Variants in TSC2 observed in about 807,000 individuals in gnomAD.
TSC2 encodes tuberin.
TSC2 carries 29 observed loss-of-function variants against 202.2 expected under a neutral mutation model. That is an observed-to-expected ratio of 0.14 (90% confidence interval 0.11 to 0.20). TSC2 has a LOEUF of 0.20. Ranked by LOEUF, TSC2 falls within the 10% of genes least tolerant of loss-of-function variation. TSC2 has a pLI of 1.00. For missense variants in TSC2, 2,429 were observed against 2,420.0 expected (o/e 1.00, Z -0.08); for synonymous variants, 1,349 against 1,044.0 (o/e 1.29, Z -5.63).
chr16:2,052,134 G>A (rs2085203516), intron 3 of TSC2, among the ~76,000 whole-genome samples: 1 of 152,010 alleles, frequency 6.6e-6, no homozygotes, highest in African/African-American at 2.4e-5. Context: ...GGGGCAGCCT[G>A]TGAGTGGATA....
Position 2,055,343 on chromosome 16 carries a change from G to A in TSC2, c.482-59G>A, listed in dbSNP as rs200833855. 971 of 1,316,870 alleles carry A rather than the reference G, an allele frequency of 7.4e-4. No individual in the cohort carries two copies. The highest frequency in any genetic ancestry group is 1.8e-3 in the Admixed American group (109 of 59,626). The allele number at this position is 1,316,870 out of a possible 1,614,324, so 81.6% of individuals were successfully genotyped here. ...ACACACTGTCCTGCGGCGGGAGGGG[G>A]AGGTGAGTGGGAGATGTAGATTCGG... On this transcript the variant is annotated intron_variant, in intron 5 of 41. Transcript: ENST00000219476.
chr16:2,073,172 C>T (rs2088745290), intron 21 of TSC2, among the ~76,000 whole-genome samples, 189 bp downstream of exon 21: 1 of 152,236 alleles, frequency 6.6e-6, no homozygotes, highest in South Asian at 2.1e-4. Flanking sequence ...GCTTCTAGCT[C>T]TCTTTGGGGC....
At position 2,076,536 on chromosome 16, in the gene TSC2, A is replaced by G. The variant is rs1596369527; in HGVS notation, c.2788A>G (p.Lys930Glu). Residue 930 changes from lysine (K) to glutamate (E), a missense_variant, in exon 25 of 42, where the codon AAG (lysine) becomes GAG (glutamate). Coordinates refer to ENST00000219476, the MANE Select transcript of TSC2 (RefSeq NM_000548.5). ...VLLSFDDTPE[K>E]DSFRARSTSL... is the part of the protein sequence containing the mutation. ...CTTGTCTTTTGATGACACCCCCGAG[A>G]AGGACAGCTTCAGGGCCCGGAGTAC... 4 of 1,613,308 alleles carry G rather than the reference A, an allele frequency of 2.5e-6. No homozygotes were observed. Among genetic ancestry groups the G allele is most frequent in the Non-Finnish European group, 3.4e-6 (4 of 1,179,932 alleles).
rs531417010 is a variant in TSC2 at position 2,084,109 on chromosome 16, C to G, written c.4006-119C>G. ...CGGGCGGGGGCCGTAGCCTGGTGCT[C>G]GGGCTGGTCTGTGGCCCTGGGATGG... is the stretch of plus-strand genomic sequence containing the variant. On this transcript the variant is annotated intron_variant, in intron 33 of 41. Transcript: ENST00000219476. 2.5e-4 allele frequency: 381 copies of G among 1,521,136 alleles called. 3 individuals carry two copies. In the East Asian group the frequency reaches 9.3e-3, roughly 37 times the overall value. 94.2% of individuals were successfully genotyped at this position (1,521,136 alleles called of 1,614,324 possible). A position where few individuals can be genotyped will look rare whatever the true frequency, so the allele number is the denominator to read the frequency against.
chr16:2,069,059 TG>T (rs1359423843), intron 16 of TSC2, among the ~76,000 whole-genome samples: 1 of 152,030 alleles, frequency 6.6e-6, no homozygotes, highest in Non-Finnish European at 1.5e-5. Flanking sequence ...GGCATGTAAG[TG>T]ACCCATGAAG....
In TSC2 at chr16:2,088,757, TGGG is replaced by T; in HGVS notation, c.*152_*154del. 8.6e-7 allele frequency: 1 copy of T among 1,158,072 alleles called. No homozygotes were observed. Among genetic ancestry groups the T allele is most frequent in the Non-Finnish European group, 1.2e-6 (1 of 834,818 alleles). The allele number at this position is 1,158,072 out of a possible 1,614,324, so 71.7% of individuals were successfully genotyped here. On this transcript the variant is annotated 3_prime_UTR_variant, in exon 42 of 42. Coordinates refer to ENST00000219476, the MANE Select transcript of TSC2 (RefSeq NM_000548.5). ...GACTTTGTCTGCTTGGTGCGGGGGT[TGGG>T]GGGGTGTCGAGGCTCTAGAAGCGGC...
intron 26 of TSC2, 94 bp downstream of exon 26, chr16:2,077,820 C>CATT (rs2151418153): frequency 6.3e-7 from 1 of 1,584,096 alleles, no homozygotes; most frequent in African/African-American, 1.3e-5. Context: ...ATGACCTCAT[C>CATT]GTCTGCCCGT....
intron 23 of TSC2, 86 bp from the exon 24 acceptor site, chr16:2,075,982 C>A (rs942063781): frequency 6.2e-7 from 1 of 1,612,112 alleles, no homozygotes; most frequent in Admixed American, 1.7e-5. Context: ...GTCCCCAAGG[C>A]CTGAGCGCCT....
At chr16:2,050,716 T>C (rs1377332651) in intron 3 of TSC2, among the ~76,000 whole-genome samples, 1 of 150,968 alleles carries the variant, frequency 6.6e-6, no homozygotes, top group African/African-American at 2.4e-5. Flanking sequence ...CTCAGCCTCC[T>C]GAGTAGCTGG....
chr16:2,086,234 C>T lies in TSC2; in HGVS notation c.4704C>T (p.Ser1568=), dbSNP rs916198158. 2 of 1,612,624 alleles carry T rather than the reference C, an allele frequency of 1.2e-6. No individual in the cohort carries two copies. Among genetic ancestry groups the T allele is most frequent in the Admixed American group, 1.7e-5 (1 of 60,002 alleles). Reference sequence around the variant, plus strand: ...CCATCCTGTCCAATGAGCATGGCTCCTACAGGTACACGGAGTTCCTGACGG... The same window carrying T: ...CCATCCTGTCCAATGAGCATGGCTCTTACAGGTACACGGAGTTCCTGACGG... ...ELAILSNEHG[S]YRYTEFLTGL... The change falls in exon 37 of 42, where the codon TCC becomes TCT. Residue 1568 remains serine, a synonymous_variant. Coordinates refer to ENST00000219476, the MANE Select transcript of TSC2 (RefSeq NM_000548.5).
Position 2,087,749 on chromosome 16 carries a change from G to A in TSC2, c.4990-114G>A. ...CCGCTGCCAGAGGGGAAAGTTCAGG[G>A]GCAGATGCTGCCCATGGAGCTGACA... On this transcript the variant is annotated intron_variant, in intron 38 of 41. Transcript: ENST00000219476. 15 of 1,314,886 alleles carry A rather than the reference G, an allele frequency of 1.1e-5. No individual in the cohort carries two copies. In the South Asian group the frequency reaches 1.8e-4, roughly 15 times the overall value. 81.5% of individuals were successfully genotyped at this position (1,314,886 alleles called of 1,614,324 possible).
In TSC2 at chr16:2,076,324, C is replaced by T. The variant is rs2089361415; in HGVS notation, c.2742+154C>T. The T allele has an allele frequency of 1.9e-6, 3 of 1,560,036 alleles. No homozygotes were observed. In the East Asian group the frequency reaches 7.0e-5, roughly 37 times the overall value. ...TGGCGCTGGGGGCTCTGCTGGGCAGCCTGCAGGGCTTTGATGCGCGGCAGG... is the reference window on the plus strand; with the variant it reads ...TGGCGCTGGGGGCTCTGCTGGGCAGTCTGCAGGGCTTTGATGCGCGGCAGG... On this transcript the variant is annotated intron_variant, in intron 24 of 41. Transcript: ENST00000219476.
At chr16:2,081,923 C>T (rs929251417) in intron 31 of TSC2, 125 bp downstream of exon 31, 5 of 1,313,920 alleles carry the variant, frequency 3.8e-6, no homozygotes, top group Non-Finnish European at 5.3e-6. Flanking sequence ...TGGCCTGCCT[C>T]AGCACCATTG....
At chr16:2,057,020 A>G in intron 8 of TSC2, 85 bp from the exon 9 acceptor site, 1 of 1,519,082 alleles carries the variant, frequency 6.6e-7, no homozygotes, top group Non-Finnish European at 8.9e-7. Context: ...GCTATAGGGC[A>G]GCAGCCAGGC....
At chr16:2,048,293 C>T (rs1337642987) in intron 1 of TSC2, 1 of 1,117,308 alleles carries the variant, frequency 9.0e-7, no homozygotes, top group Non-Finnish European at 1.3e-6. Context: ...AGACGGCAAA[C>T]GTCGGGGCTC....
chr16:2,088,620 C>G lies in TSC2; in HGVS notation c.*10C>G, dbSNP rs369444910. The G allele has an allele frequency of 2.5e-6, 4 of 1,599,108 alleles. No homozygotes were observed. The African/African-American group carries it at 5.3e-5, about 21-fold the overall frequency. ...CACCGAGTTTGTGTGAGGCCGGGGC[C>G]CTCCCTCCTGCACTGGCCTTGGACG... On this transcript the variant is annotated 3_prime_UTR_variant, in exon 42 of 42. Coordinates refer to ENST00000219476, the MANE Select transcript of TSC2 (RefSeq NM_000548.5).
At chr16:2,074,828 A>C in intron 22 of TSC2, 1 of 287,888 alleles carries the variant, frequency 3.5e-6, no homozygotes, top group Non-Finnish European at 6.8e-6. Context: ...CTGGGCCCGC[A>C]CTTGGTGTAG....
intron 10 of TSC2, among the ~76,000 whole-genome samples, chr16:2,060,163 C>T (rs1240147351): frequency 4.6e-5 from 7 of 152,130 alleles, no homozygotes; most frequent in South Asian, 2.1e-4. Flanking sequence ...CGCAGTGCCC[C>T]GTGATGACAG....
chr16:2,088,353 G>GGTGTGCT, intron 41 of TSC2, 28 bp downstream of exon 41: 1 of 1,612,432 alleles, frequency 6.2e-7, no homozygotes, highest in Non-Finnish European at 8.5e-7. Context: ...CCCTCAGCGG[G>GGTGTGCT]GTGTGCTGGC....
Sources: allele counts gnomAD v4.1 joint callset (sites outside exome capture counted in the v4.1 genomes callset), GRCh38; gene constraint gnomAD v4.1.1; transcripts MANE v1.5; gene names NCBI Gene and HGNC (gene_info 2026-07-23, HGNC 2026-07-21).